Variants in CFDP1 observed in about 807,000 individuals in gnomAD.
The protein encoded by CFDP1 is chromatin remodeling protein CFDP1.
In CFDP1, 31 loss-of-function variants were observed where a neutral mutation model predicts 40.1. The ratio of observed to expected loss-of-function variants is 0.77; its 90% CI spans 0.58 to 1.04. The LOEUF (loss-of-function observed/expected upper bound fraction) is 1.04. CFDP1 is among the 50% of genes least tolerant of loss of function. The pLI is 0.00. For synonymous variants in CFDP1, 167 were observed against 120.0 expected, an observed-to-expected ratio of 1.39 and a Z score of -2.56; for missense variants, 423 against 343.4, an observed-to-expected ratio of 1.23 and a Z score of -1.83.
At chr16:75,432,155 C>A (rs2079427677) in intron 1 of CFDP1, among the ~76,000 whole-genome samples, 1 of 150,760 alleles carries the variant, frequency 6.6e-6, no homozygotes, top group African/African-American at 2.4e-5. Flanking sequence ...TGTGATCCAC[C>A]CACCTCAGCC....
At position 75,293,962 on chromosome 16, in the gene CFDP1, A is replaced by C; in HGVS notation, c.890T>G (p.Met297Arg). 6.2e-7 allele frequency: 1 copy of C among 1,614,002 alleles called. No homozygotes were observed. The highest frequency in any genetic ancestry group is 8.5e-7 in the Non-Finnish European group (1 of 1,179,950). The change falls in exon 7 of 7, where the codon ATG becomes AGG. Residue 297 changes from methionine (M) to arginine (R), a missense_variant. Physicochemically the swap from Met to Arg is moderately conservative, Grantham distance 91. Coordinates refer to ENST00000283882, the MANE Select transcript of CFDP1 (RefSeq NM_006324.3). The stretch of plus-strand genomic sequence containing the variant: ...ATTTAGCCCGTAACATCAAGGTTTC[A>C]TTTTGCTCAGCCTGAGATCTCGCTC... ...EIERDLRLSK[M>R]KP
intron 5 of CFDP1, among the ~76,000 whole-genome samples, chr16:75,384,362 A>G (rs867782591): frequency 1.2e-4 from 18 of 152,274 alleles, no homozygotes; most frequent in African/African-American, 2.6e-4. Flanking sequence ...CTCCATCTCA[A>G]AAAAAAGAGA....
In CFDP1 at chr16:75,305,315, C is replaced by T. The variant is rs926459845; in HGVS notation, c.651-133G>A. 11 of 853,166 alleles carry T rather than the reference C, an allele frequency of 1.3e-5. No individual in the cohort carries two copies. In the Admixed American group the frequency reaches 3.0e-4, roughly 23 times the overall value. The allele number at this position is 853,166 out of a possible 1,614,324, so 52.8% of individuals were successfully genotyped here. ...GTGGAAGCCATGTTCATATTTGGGG[C>T]ATTTCCTTCCTGGTGTGGAGAGCAC... On this transcript the variant is annotated intron_variant, in intron 5 of 6. Transcript: ENST00000283882.
intron 5 of CFDP1, among the ~76,000 whole-genome samples, chr16:75,374,667 CAG>C (rs1196376233): frequency 6.6e-6 from 1 of 151,566 alleles, no homozygotes; most frequent in Non-Finnish European, 1.5e-5. Context: ...AAAAAACACA[CAG>C]AAATAAAATG....
intron 5 of CFDP1, 133 bp downstream of exon 5, chr16:75,394,957 T>G (rs2078983777): frequency 9.0e-7 from 1 of 1,113,696 alleles, no homozygotes; most frequent in Non-Finnish European, 1.3e-6. Flanking sequence ...TGGTAAATAT[T>G]GCAGCAAAGG....
At chr16:75,332,961 C>A (rs937981502) in intron 5 of CFDP1, among the ~76,000 whole-genome samples, 1 of 151,062 alleles carries the variant, frequency 6.6e-6, no homozygotes, top group Non-Finnish European at 1.5e-5. Context: ...GGCCCTGCCA[C>A]CATGCCCGGC....
In CFDP1 at chr16:75,314,815, G is replaced by T. The variant is rs138432674; in HGVS notation, c.651-9633C>A. Among the ~76,000 whole-genome samples, 219 of 152,224 alleles carry T rather than the reference G, an allele frequency of 1.4e-3. 2 individuals carry two copies. The highest frequency in any genetic ancestry group is 5.0e-3 in the African/African-American group (208 of 41,526). ...CACCCAGGCTGGAGTGCAGTGGCGCGATCTCAGGTCACTGCCAACGCTGCC... is the reference window on the plus strand; with the variant it reads ...CACCCAGGCTGGAGTGCAGTGGCGCTATCTCAGGTCACTGCCAACGCTGCC... On this transcript the variant is annotated intron_variant, in intron 5 of 6. Coordinates refer to ENST00000283882, the MANE Select transcript of CFDP1 (RefSeq NM_006324.3).
intron 4 of CFDP1, among the ~76,000 whole-genome samples, chr16:75,408,240 A>C (rs2079121629): frequency 2.6e-5 from 4 of 152,112 alleles, no homozygotes; most frequent in South Asian, 2.1e-4. Flanking sequence ...GAACTAAATG[A>C]AACTTTTTTA....
chr16:75,354,951 C>A (rs114135816), intron 5 of CFDP1, among the ~76,000 whole-genome samples: 3,409 of 152,268 alleles, frequency 0.022, 72 homozygotes, highest in African/African-American at 0.055. Flanking sequence ...CAGTTCCAGA[C>A]CACAGCAATG....
At chr16:75,395,250 A>C (rs767697749) in intron 4 of CFDP1, 41 bp from the exon 5 acceptor site, 1 of 1,602,650 alleles carries the variant, frequency 6.2e-7, no homozygotes, top group East Asian at 2.2e-5. Flanking sequence ...AAGAAGAATA[A>C]AGAGAAAGAA....
chr16:75,313,023 G>C (rs1250109215), intron 5 of CFDP1, among the ~76,000 whole-genome samples: 2 of 152,194 alleles, frequency 1.3e-5, no homozygotes, highest in African/African-American at 4.8e-5. Context: ...AGCACCAAGA[G>C]AAAGCTAACA....
intron 5 of CFDP1, among the ~76,000 whole-genome samples, chr16:75,374,929 T>C (rs954350758): frequency 2.0e-5 from 3 of 152,158 alleles, no homozygotes; most frequent in Admixed American, 6.5e-5. Flanking sequence ...ATATAGCTAG[T>C]GACTACTCTA....
chr16:75,314,010 G>A (rs1460598481), intron 5 of CFDP1, among the ~76,000 whole-genome samples: 2 of 151,934 alleles, frequency 1.3e-5, no homozygotes, highest in African/African-American at 2.4e-5. Flanking sequence ...TCAGCCTCCC[G>A]AGTAGCTGGG....
chr16:75,428,286 A>T (rs577989107), intron 1 of CFDP1, among the ~76,000 whole-genome samples: 5 of 152,300 alleles, frequency 3.3e-5, no homozygotes, highest in Admixed American at 6.5e-5. Flanking sequence ...AAATGCTGAT[A>T]CTGCATTTAC....
intron 5 of CFDP1, among the ~76,000 whole-genome samples, chr16:75,309,153 G>A (rs1156915791): frequency 6.6e-6 from 1 of 152,124 alleles, no homozygotes; most frequent in Non-Finnish European, 1.5e-5. Flanking sequence ...ACCTGTTTGT[G>A]GGCTCCCTCA....
At chr16:75,294,465 G>C (rs2078167802) in intron 6 of CFDP1, among the ~76,000 whole-genome samples, 1 of 152,056 alleles carries the variant, frequency 6.6e-6, no homozygotes, top group African/African-American at 2.4e-5. Context: ...GTGTTGAATT[G>C]GTGGGTAAGA....
chr16:75,408,453 G>C (rs1397506518), intron 4 of CFDP1, among the ~76,000 whole-genome samples: 3 of 151,982 alleles, frequency 2.0e-5, no homozygotes, highest in Admixed American at 6.6e-5. Context: ...AAAGAAACAA[G>C]CTCTTTCACC....
chr16:75,388,469 A>G (rs1035712441), intron 5 of CFDP1, among the ~76,000 whole-genome samples: 3 of 152,190 alleles, frequency 2.0e-5, no homozygotes, highest in Non-Finnish European at 2.9e-5. Flanking sequence ...GCCTACAGGA[A>G]CCATGCAGGT....
chr16:75,417,641 T>C (rs2079222554), intron 1 of CFDP1, among the ~76,000 whole-genome samples: 1 of 152,030 alleles, frequency 6.6e-6, no homozygotes, highest in Non-Finnish European at 1.5e-5. Context: ...GAAGCAAGAG[T>C]TCACTGTGTT....
Sources: gnomAD v4.1 joint callset for allele counts (sites outside exome capture counted in the v4.1 genomes callset) on GRCh38, gnomAD v4.1.1 for gene constraint, MANE v1.5 for transcripts, NCBI Gene and HGNC (gene_info 2026-07-23, HGNC 2026-07-21) for gene names.